EYS: variants seen among roughly 807,000 people sequenced by gnomAD.
EYS encodes protein eyes shut homolog.
A neutral mutation model predicts 282.1 loss-of-function variants in EYS; 250 were observed. That is an observed-to-expected ratio of 0.89 (90% confidence interval 0.80 to 0.98). The LOEUF is 0.98. Ranked by LOEUF, EYS falls within the 50% of genes least tolerant of loss-of-function variation. The pLI is 0.00. For missense variants in EYS, 4,016 were observed against 3,709.0 expected, an observed-to-expected ratio of 1.08 and a Z score of -2.15; for synonymous variants, 1,355 against 1,282.9, an observed-to-expected ratio of 1.06 and a Z score of -1.20.
intron 25 of EYS, among the ~76,000 whole-genome samples, chr6:64,592,911 T>G (rs1464600285): frequency 1.3e-5 from 2 of 152,134 alleles, no homozygotes; most frequent in Non-Finnish European, 1.5e-5. Context: ...TTTACATTTT[T>G]TTACTGATCC....
At chr6:64,560,407 A>G (rs1299311473) in intron 26 of EYS, among the ~76,000 whole-genome samples, 1 of 152,076 alleles carries the variant, frequency 6.6e-6, no homozygotes, top group Non-Finnish European at 1.5e-5. Context: ...CACAATAATT[A>G]TAAGTTAGGT....
At chr6:65,576,584 T>C (rs1376285469) in intron 2 of EYS, among the ~76,000 whole-genome samples, 1 of 151,826 alleles carries the variant, frequency 6.6e-6, no homozygotes, top group Admixed American at 6.6e-5. Flanking sequence ...ACCAGAGAAA[T>C]TAGTCAAGAG....
At chr6:64,722,620 C>A (rs192728011) in intron 22 of EYS, among the ~76,000 whole-genome samples, 93 of 151,454 alleles carry the variant, frequency 6.1e-4, no homozygotes, top group African/African-American at 2.1e-3. Context: ...CATAAATATA[C>A]AACATCCCTT....
chr6:64,614,917 C>T (rs1205995035), intron 24 of EYS, among the ~76,000 whole-genome samples: 1 of 152,108 alleles, frequency 6.6e-6, no homozygotes, highest in Admixed American at 6.6e-5. Flanking sequence ...CTATACTGTG[C>T]TCTGTGCTCT....
chr6:63,890,160 T>C (rs1403893694), intron 35 of EYS, among the ~76,000 whole-genome samples: 4 of 149,718 alleles, frequency 2.7e-5, no homozygotes, highest in African/African-American at 9.7e-5. Context: ...CACACAATAA[T>C]AGCCCACTGT....
intron 35 of EYS, among the ~76,000 whole-genome samples, chr6:63,887,819 C>T (rs1193949150): frequency 1.3e-5 from 2 of 152,196 alleles, no homozygotes; most frequent in Non-Finnish European, 2.9e-5. Context: ...CCATTCACTC[C>T]CCTGGAAAGG....
At chr6:63,799,926 C>T (rs558544019) in intron 37 of EYS, among the ~76,000 whole-genome samples, 11 of 152,264 alleles carry the variant, frequency 7.2e-5, no homozygotes, top group South Asian at 2.1e-4. Context: ...GTGGACTGAA[C>T]GAGAGCGATG....
intron 2 of EYS, among the ~76,000 whole-genome samples, chr6:65,598,672 G>C (rs981083826): frequency 6.6e-6 from 1 of 152,036 alleles, no homozygotes; most frequent in Non-Finnish European, 1.5e-5. Context: ...CCTGGTTTCT[G>C]TTCCATACTT....
rs981535518 is a variant in EYS at position 64,637,924 on chromosome 6, A to T, written c.3444-11679T>A. ...GTTTATGGTAAAAAAGAAAAAAGAA[A>T]TTTTTTTGTTCTTTTTTTACAGTAG... On this transcript the variant is annotated intron_variant, in intron 22 of 42. Coordinates refer to ENST00000503581, the MANE Select transcript of EYS (RefSeq NM_001142800.2). 1.3e-4 allele frequency among the ~76,000 whole-genome samples: 12 copies of T among 90,378 alleles called. 5 individuals are homozygous for T. Among genetic ancestry groups the T allele is most frequent in the African/African-American group, 2.5e-4 (6 of 23,708 alleles). The allele number at this position is 90,378 out of a possible 152,430, so 59.3% of individuals were successfully genotyped here.
intron 22 of EYS, among the ~76,000 whole-genome samples, chr6:64,756,808 A>G (rs768141452): frequency 1.3e-5 from 2 of 152,128 alleles, no homozygotes; most frequent in Non-Finnish European, 2.9e-5. Flanking sequence ...TTTTCTCATG[A>G]AACAGATAAT....
chr6:65,037,917 T>A (rs1772818959), intron 13 of EYS, among the ~76,000 whole-genome samples: 1 of 151,674 alleles, frequency 6.6e-6, no homozygotes. Context: ...ATCTCCAATT[T>A]ATAAACAATA....
At position 64,832,784 on chromosome 6, in the gene EYS, G is replaced by A. The variant is rs190352828; in HGVS notation, c.2993-9962C>T. 2.9e-3 allele frequency among the ~76,000 whole-genome samples: 445 copies of A among 151,956 alleles called. 1 individual carries two copies. The highest frequency in any genetic ancestry group is 4.7e-3 in the Non-Finnish European group (319 of 67,878). On this transcript the variant is annotated intron_variant, in intron 19 of 42. Transcript: ENST00000503581. ...TTTTTGGATATCCATTGTATCTCAC[G>A]AAGCTACAAATGAAGTCTTATTAAT...
chr6:63,879,948 C>G (rs1408629841), intron 35 of EYS, among the ~76,000 whole-genome samples: 1 of 152,076 alleles, frequency 6.6e-6, no homozygotes, highest in Non-Finnish European at 1.5e-5. Flanking sequence ...TTGTACTGAA[C>G]GTATTAAATA....
chr6:64,942,923 A>G (rs528542352), intron 15 of EYS, among the ~76,000 whole-genome samples: 1 of 152,066 alleles, frequency 6.6e-6, no homozygotes, highest in South Asian at 2.1e-4. Context: ...TGGAAAAGAT[A>G]CAACACAAAA....
intron 12 of EYS, among the ~76,000 whole-genome samples, chr6:65,083,598 CTG>C (rs1218711121): frequency 1.3e-5 from 2 of 151,670 alleles, no homozygotes; most frequent in Non-Finnish European, 3.0e-5. Context: ...GTTTTGATAA[CTG>C]TTACTTTTTC....
At chr6:63,932,127 T>G (rs1277472102) in intron 35 of EYS, among the ~76,000 whole-genome samples, 1 of 152,246 alleles carries the variant, frequency 6.6e-6, no homozygotes, top group Non-Finnish European at 1.5e-5. Flanking sequence ...CAAAATGTCC[T>G]CCAGGCCCAT....
intron 12 of EYS, among the ~76,000 whole-genome samples, chr6:65,290,011 A>C (rs1562075160): frequency 6.6e-6 from 1 of 151,172 alleles, no homozygotes. Context: ...TCATAAATGG[A>C]AATGAAAATC....
At chr6:64,024,996 C>T (rs1033053812) in intron 33 of EYS, among the ~76,000 whole-genome samples, 20 of 152,316 alleles carry the variant, frequency 1.3e-4, no homozygotes, top group Admixed American at 1.2e-3. Flanking sequence ...ATGACAATCA[C>T]CATGTGGTGA....
chr6:64,117,351 G>A (rs1479627863), intron 31 of EYS, among the ~76,000 whole-genome samples: 2 of 148,062 alleles, frequency 1.4e-5, no homozygotes, highest in South Asian at 2.1e-4. Context: ...TTAGTAGAAG[G>A]AAATAACAAA....
Sources: allele counts gnomAD v4.1 joint callset (sites outside exome capture counted in the v4.1 genomes callset), GRCh38; gene constraint gnomAD v4.1.1; transcripts MANE v1.5; gene names NCBI Gene and HGNC (gene_info 2026-07-23, HGNC 2026-07-21).